The following MDGA2 variants were observed in gnomAD, a reference collection of about 807,000 sequenced individuals.
MDGA2 encodes the protein MAM domain containing glycosylphosphatidylinositol anchor 2, also known as MAM domain-containing glycosylphosphatidylinositol anchor protein 2.
MDGA2 carries 40 observed loss-of-function variants against 117.8 expected under a neutral mutation model. The observed-to-expected ratio is 0.34, with a 90% CI of 0.26 to 0.44. The LOEUF (loss-of-function observed/expected upper bound fraction) is 0.44. Ranked by LOEUF, MDGA2 falls within the 20% of genes least tolerant of loss-of-function variation. The probability of loss-of-function intolerance (pLI) is 1.00; values close to 1 mark genes in which losing one functional copy is unlikely to be tolerated. For missense variants in MDGA2, 1,123 were observed against 1,250.6 expected (o/e 0.90, Z 1.54); for synonymous variants, 452 against 439.0 (o/e 1.03, Z -0.37).
Position 47,508,051 on chromosome 14 carries a change from A to G in MDGA2, c.280+166466T>C, listed in dbSNP as rs529945807. On this transcript the variant is annotated intron_variant, in intron 1 of 16. Transcript: ENST00000399232. Reference sequence around the variant, plus strand: ...AAGAATTCTATTTTTGAATGGCTCTATTTGTTAGGAAGTCTTCCTGATATA... The same window carrying G: ...AAGAATTCTATTTTTGAATGGCTCTGTTTGTTAGGAAGTCTTCCTGATATA... 3.0e-4 allele frequency among the ~76,000 whole-genome samples: 46 copies of G among 152,314 alleles called. No individual in the cohort carries two copies. The South Asian group carries it at 8.7e-3, about 29-fold the overall frequency.
chr14:47,551,188 TA>T (rs112628632), intron 1 of MDGA2, among the ~76,000 whole-genome samples: 3,501 of 152,236 alleles, frequency 0.023, 85 homozygotes, highest in East Asian at 0.1. Context: ...TGTTTTTGAT[TA>T]AAAAAATATT....
rs564912383 is a variant in MDGA2, at chr14:46,927,175, T to C, written c.2090-7015A>G. ...GAAATTGGGAGCATAAAGAATACTT[T>C]GAGGAAAGTAAGATTTAATTCTGTC... On this transcript the variant is annotated intron_variant, in intron 9 of 16. Coordinates refer to ENST00000399232, the MANE Select transcript of MDGA2 (RefSeq NM_001113498.3). Among the ~76,000 whole-genome samples, 3 of 152,280 alleles carry C rather than the reference T, an allele frequency of 2.0e-5. No homozygotes were observed. In the East Asian group the frequency reaches 5.8e-4, roughly 29 times the overall value.
Position 46,962,371 on chromosome 14 carries a change from T to C in MDGA2, c.1820-4728A>G, listed in dbSNP as rs538704716. On this transcript the variant is annotated intron_variant, in intron 8 of 16. Transcript: ENST00000399232. Reference sequence around the variant, plus strand: ...ATTGGGTTTACTTCTGCTTTACTCCTACCCTACAGATATAATCCTTTGAGA... The same window carrying C: ...ATTGGGTTTACTTCTGCTTTACTCCCACCCTACAGATATAATCCTTTGAGA... 4.0e-5 allele frequency among the ~76,000 whole-genome samples: 6 copies of C among 150,666 alleles called. No individual in the cohort carries two copies. The East Asian group carries it at 9.9e-4, about 25-fold the overall frequency.
chr14:46,934,392 A>C (rs1884702874), intron 9 of MDGA2, among the ~76,000 whole-genome samples: 1 of 152,142 alleles, frequency 6.6e-6, no homozygotes, highest in South Asian at 2.1e-4. Context: ...ACAGCTCACA[A>C]AGAACTTTCA....
At chr14:47,208,103 CATTTTA>C (rs1885752530) in intron 3 of MDGA2, among the ~76,000 whole-genome samples, 1 of 151,908 alleles carries the variant, frequency 6.6e-6, no homozygotes, top group African/African-American at 2.4e-5. Flanking sequence ...AGGTAGAAAT[CATTTTA>C]ATTTTAAAGA....
intron 1 of MDGA2, among the ~76,000 whole-genome samples, chr14:47,474,531 A>C (rs568766043): frequency 6.6e-6 from 1 of 152,282 alleles, no homozygotes; most frequent in Non-Finnish European, 1.5e-5. Context: ...TAGCCAAGAC[A>C]ATCCTAAGCA....
chr14:47,217,947 A>G, intron 3 of MDGA2, 74 bp downstream of exon 3: 1 of 1,226,416 alleles, frequency 8.2e-7, no homozygotes, highest in South Asian at 1.9e-5. Flanking sequence ...ATGGTTTTTC[A>G]GAAAACCATA....
intron 1 of MDGA2, among the ~76,000 whole-genome samples, chr14:47,303,761 C>CAT (rs10692095): frequency 0.96 from 145,324 of 152,120 alleles, 69,434 homozygotes; most frequent in East Asian, 1. Context: ...TGATAGCCCA[C>CAT]GTTTATTAAT....
At chr14:47,302,945 G>A (rs2139816968) in intron 1 of MDGA2, among the ~76,000 whole-genome samples, 1 of 152,218 alleles carries the variant, frequency 6.6e-6, no homozygotes. Flanking sequence ...GCATAATCCT[G>A]TTACTCAACC....
At chr14:47,145,690 A>G (rs1238531495) in intron 3 of MDGA2, among the ~76,000 whole-genome samples, 2 of 152,162 alleles carry the variant, frequency 1.3e-5, no homozygotes, top group African/African-American at 4.8e-5. Context: ...ATGATACCAT[A>G]TTATTTAGGC....
intron 1 of MDGA2, among the ~76,000 whole-genome samples, chr14:47,509,783 G>A (rs936059661): frequency 3.9e-5 from 6 of 152,158 alleles, no homozygotes; most frequent in Non-Finnish European, 5.9e-5. Flanking sequence ...TCTTATGACT[G>A]CCTCCAATGT....
intron 1 of MDGA2, among the ~76,000 whole-genome samples, chr14:47,503,799 C>G (rs975701890): frequency 6.6e-6 from 1 of 152,158 alleles, no homozygotes; most frequent in African/African-American, 2.4e-5. Flanking sequence ...AATGCATATT[C>G]TCTGGAATAT....
rs1881797916 is a variant in MDGA2, at chr14:47,124,403, A to C, written c.925+7311T>G. 2.6e-5 allele frequency among the ~76,000 whole-genome samples: 4 copies of C among 152,136 alleles called. No individual in the cohort carries two copies. The South Asian group carries it at 6.2e-4, about 24-fold the overall frequency. ...TGTATTTCCCCAAAGCTAAGAATAC[A>C]AGGCCATAAATGTTCTCAATAGAGT... On this transcript the variant is annotated intron_variant, in intron 5 of 16. Coordinates refer to ENST00000399232, the MANE Select transcript of MDGA2 (RefSeq NM_001113498.3).
intron 3 of MDGA2, among the ~76,000 whole-genome samples, chr14:47,155,407 C>T (rs1384761215): frequency 6.6e-6 from 1 of 152,034 alleles, no homozygotes; most frequent in African/African-American, 2.4e-5. Context: ...TTCGGGAAAC[C>T]CAGACCTAGC....
chr14:47,105,782 C>T (rs1255722121), intron 5 of MDGA2, among the ~76,000 whole-genome samples: 5 of 151,634 alleles, frequency 3.3e-5, no homozygotes, highest in Non-Finnish European at 7.4e-5. Flanking sequence ...GTACCAACCC[C>T]AAGCATCGCT....
At chr14:47,158,865 A>C (rs1210421950) in intron 3 of MDGA2, among the ~76,000 whole-genome samples, 2 of 152,232 alleles carry the variant, frequency 1.3e-5, no homozygotes, top group African/African-American at 4.8e-5. Flanking sequence ...TCAGTGCTGA[A>C]AAGAAGTGAG....
intron 2 of MDGA2, among the ~76,000 whole-genome samples, chr14:47,235,459 C>T (rs1316202738): frequency 2.6e-5 from 4 of 152,122 alleles, no homozygotes; most frequent in Non-Finnish European, 5.9e-5. Context: ...CAGAGGGGAT[C>T]TTAAAAACCT....
intron 1 of MDGA2, among the ~76,000 whole-genome samples, chr14:47,377,098 G>A (rs1219711117): frequency 6.6e-6 from 1 of 152,140 alleles, no homozygotes; most frequent in Non-Finnish European, 1.5e-5. Context: ...GTGGAGAGGA[G>A]AAATGGGTAC....
At chr14:46,935,801 A>AATG (rs1884757112) in intron 9 of MDGA2, among the ~76,000 whole-genome samples, 2 of 152,080 alleles carry the variant, frequency 1.3e-5, no homozygotes. Flanking sequence ...TGAGTGTGGA[A>AATG]TGCAGGGATC....
Sources: allele counts gnomAD v4.1 joint callset (sites outside exome capture counted in the v4.1 genomes callset), GRCh38; gene constraint gnomAD v4.1.1; transcripts MANE v1.5; gene names NCBI Gene and HGNC (gene_info 2026-07-23, HGNC 2026-07-21).